Variants in VWA8 observed in about 807,000 individuals in gnomAD.
VWA8 encodes von Willebrand factor A domain containing 8, also known as von Willebrand factor A domain-containing protein 8.
In VWA8, 221 loss-of-function variants were observed where a neutral mutation model predicts 241.5. The ratio of observed to expected loss-of-function variants is 0.91; its 90% CI spans 0.82 to 1.02. The LOEUF is 1.02. Ranked by LOEUF, VWA8 falls within the 50% of genes least tolerant of loss-of-function variation. The probability of loss-of-function intolerance (pLI) is 0.00; values close to 1 mark genes in which losing one functional copy is unlikely to be tolerated. For missense variants in VWA8, 2,322 were observed against 2,328.7 expected (o/e 1.00, Z 0.06); for synonymous variants, 852 against 827.1 (o/e 1.03, Z -0.52).
At chr13:41,571,385 C>A (rs190275450) in intron 43 of VWA8, among the ~76,000 whole-genome samples, 32 of 150,792 alleles carry the variant, frequency 2.1e-4, no homozygotes, top group African/African-American at 7.9e-4. Context: ...TCTGATGCCA[C>A]CAAAGTTGTC....
At position 41,953,716 on chromosome 13, in the gene VWA8, G is replaced by A. The variant is rs143192353; in HGVS notation, c.164-3703C>T. Reference sequence around the variant, plus strand: ...CCTAGCTACTTGGGAGACTGAAGCAGGAGAATTGCTTGAACCAGGGAGGCG... The same window carrying A: ...CCTAGCTACTTGGGAGACTGAAGCAAGAGAATTGCTTGAACCAGGGAGGCG... On this transcript the variant is annotated intron_variant, in intron 1 of 44. Coordinates refer to ENST00000379310, the MANE Select transcript of VWA8 (RefSeq NM_015058.2). 1.7e-3 allele frequency among the ~76,000 whole-genome samples: 256 copies of A among 152,322 alleles called. 2 individuals carry two copies. The highest frequency in any genetic ancestry group is 5.7e-3 in the African/African-American group (235 of 41,562).
At chr13:41,694,304 A>G (rs994679245) in intron 29 of VWA8, among the ~76,000 whole-genome samples, 14 of 152,028 alleles carry the variant, frequency 9.2e-5, no homozygotes, top group African/African-American at 3.1e-4. Context: ...TATTTGCACC[A>G]TATAACTCAC....
intron 21 of VWA8, among the ~76,000 whole-genome samples, chr13:41,744,868 T>A (rs2045592763): frequency 6.6e-6 from 1 of 152,038 alleles, no homozygotes; most frequent in Non-Finnish European, 1.5e-5. Flanking sequence ...GATGGAGTCT[T>A]GCTCTGTCAC....
Position 41,701,475 on chromosome 13 carries a change from G to C in VWA8, c.3281C>G (p.Ser1094Cys), listed in dbSNP as rs774308810. The change falls in exon 28 of 45, where the codon TCC becomes TGC. Residue 1094 changes from serine to cysteine, a missense_variant. Transcript: ENST00000379310. Reference protein sequence around the residue: ...EYPIERHEERSLNFTEECASW... With the variant: ...EYPIERHEERCLNFTEECASW... ...GGCACATTCTTCAGTAAAGTTTAGG[G>C]ATCTTTCTTCATGTCTTTCTATTGG... 7.4e-6 allele frequency: 12 copies of C among 1,611,732 alleles called. No homozygotes were observed. Among genetic ancestry groups the C allele is most frequent in the Non-Finnish European group, 9.3e-6 (11 of 1,179,056 alleles).
intron 3 of VWA8, among the ~76,000 whole-genome samples, chr13:41,910,598 A>AC (rs945643920): frequency 6.6e-6 from 1 of 151,808 alleles, no homozygotes; most frequent in African/African-American, 2.4e-5. Context: ...AAAACAAAAA[A>AC]AAAAAACAAC....
intron 1 of VWA8, among the ~76,000 whole-genome samples, chr13:41,959,873 G>A (rs1479727921): frequency 6.6e-6 from 1 of 152,156 alleles, no homozygotes; most frequent in African/African-American, 2.4e-5. Context: ...CTCCCAAAGT[G>A]CTGGGATTAC....
chr13:41,893,529 G>A (rs1405955268), intron 4 of VWA8, among the ~76,000 whole-genome samples: 1 of 148,228 alleles, frequency 6.7e-6, no homozygotes, highest in African/African-American at 2.5e-5. Flanking sequence ...ACAAAAAAAA[G>A]AATCTCATTT....
At chr13:41,634,358 G>A (rs1312763975) in intron 37 of VWA8, among the ~76,000 whole-genome samples, 1 of 152,136 alleles carries the variant, frequency 6.6e-6, no homozygotes, top group South Asian at 2.1e-4. Flanking sequence ...ACAGTGCAAT[G>A]TTCTAGTTGT....
At chr13:41,926,946 T>G (rs1430126826) in intron 2 of VWA8, 4 of 538,254 alleles carry the variant, frequency 7.4e-6, no homozygotes, top group South Asian at 4.4e-5. Context: ...GGAAATGATT[T>G]GCATCAATCC....
intron 24 of VWA8, among the ~76,000 whole-genome samples, chr13:41,724,705 C>T (rs963275863): frequency 3.9e-5 from 6 of 152,054 alleles, no homozygotes; most frequent in African/African-American, 1.4e-4. Context: ...TAAACTGAAT[C>T]CTGGTTAGCA....
intron 13 of VWA8, 60 bp downstream of exon 13, chr13:41,833,311 T>C (rs1419562556): frequency 2.1e-5 from 31 of 1,508,286 alleles, no homozygotes; most frequent in Non-Finnish European, 1.5e-5. Flanking sequence ...AGTTCCATCT[T>C]TACTGCTTAA....
chr13:41,800,531 GT>G (rs1160678548), intron 17 of VWA8, among the ~76,000 whole-genome samples: 1 of 152,006 alleles, frequency 6.6e-6, no homozygotes, highest in East Asian at 1.9e-4. Flanking sequence ...GCTCACACCT[GT>G]AATTCTAGCA....
intron 37 of VWA8, among the ~76,000 whole-genome samples, chr13:41,659,974 G>C (rs1260877625): frequency 1.3e-5 from 2 of 152,126 alleles, no homozygotes; most frequent in Non-Finnish European, 2.9e-5. Flanking sequence ...ATGCCACCTT[G>C]ATGTCTGTTT....
chr13:41,629,896 T>C (rs2044715640), intron 37 of VWA8, among the ~76,000 whole-genome samples: 1 of 152,230 alleles, frequency 6.6e-6, no homozygotes, highest in African/African-American at 2.4e-5. Context: ...TCAATGACCC[T>C]CTGCCCTCTT....
At chr13:41,710,510 T>A (rs2045309622) in intron 26 of VWA8, among the ~76,000 whole-genome samples, 1 of 152,188 alleles carries the variant, frequency 6.6e-6, no homozygotes, top group African/African-American at 2.4e-5. Context: ...ACTATGACAA[T>A]ATAAAACTCA....
chr13:41,575,810 C>A lies in VWA8; in HGVS notation c.5300G>T (p.Gly1767Val). 1 of 1,613,164 alleles carries A rather than the reference C, an allele frequency of 6.2e-7. No homozygotes were observed. Among genetic ancestry groups the A allele is most frequent in the Non-Finnish European group, 8.5e-7 (1 of 1,179,864 alleles). The change falls in exon 43 of 45, where the codon GGC becomes GTC. Residue 1767 changes from glycine (G) to valine (V), a missense_variant. Physicochemically the swap from Gly to Val is moderately radical, Grantham distance 109. Transcript: ENST00000379310. ...CATTGGAACCAGACCAATGTTGTAG[C>A]CATCTCCAGAGTGTCCAACGATGTC... ...QYDIVGHSGD[G>V]YNIGLVPMNK...
intron 22 of VWA8, among the ~76,000 whole-genome samples, chr13:41,730,781 T>G (rs1430207273): frequency 6.6e-6 from 1 of 151,992 alleles, no homozygotes; most frequent in Non-Finnish European, 1.5e-5. Flanking sequence ...ATATCCTAAT[T>G]TTTCTCATAG....
chr13:41,651,956 A>C (rs1205288204), intron 37 of VWA8, among the ~76,000 whole-genome samples: 1 of 152,252 alleles, frequency 6.6e-6, no homozygotes, highest in East Asian at 1.9e-4. Context: ...CATTACTCCC[A>C]GTGTGAAACA....
intron 37 of VWA8, among the ~76,000 whole-genome samples, chr13:41,668,976 A>ATT (rs199901859): frequency 1.3e-5 from 2 of 150,892 alleles, no homozygotes; most frequent in Non-Finnish European, 3.0e-5. Flanking sequence ...GCTTTATTTT[A>ATT]TTTTTTTTTA....
Sources: allele counts gnomAD v4.1 joint callset (sites outside exome capture counted in the v4.1 genomes callset), GRCh38; gene constraint gnomAD v4.1.1; transcripts MANE v1.5; gene names NCBI Gene and HGNC (gene_info 2026-07-23, HGNC 2026-07-21).